LAMA1: variants seen among roughly 807,000 people sequenced by gnomAD.
The protein encoded by LAMA1 is laminin subunit alpha-1.
In LAMA1, 219 loss-of-function variants were observed where a neutral mutation model predicts 348.7. The observed-to-expected ratio is 0.63, with a 90% confidence interval of 0.56 to 0.70. The LOEUF (loss-of-function observed/expected upper bound fraction) is 0.70. LAMA1 is among the 30% of genes least tolerant of loss of function. The probability of loss-of-function intolerance (pLI) is 0.00; values close to 1 mark genes in which losing one functional copy is unlikely to be tolerated. For synonymous variants in LAMA1, 1,487 were observed against 1,491.0 expected (o/e 1.00, Z 0.06); for missense variants, 3,744 against 3,888.0 (o/e 0.96, Z 0.99).
intron 32 of LAMA1, among the ~76,000 whole-genome samples, chr18:6,999,174 T>C (rs1009464488): frequency 6.6e-6 from 1 of 152,106 alleles, no homozygotes; most frequent in Non-Finnish European, 1.5e-5. Context: ...GAAATATTAA[T>C]GCCACTAAAG....
chr18:7,032,970 G>A lies in LAMA1; in HGVS notation c.2163+14C>T. On this transcript the variant is annotated intron_variant, in intron 15 of 62. Coordinates refer to ENST00000389658, the MANE Select transcript of LAMA1 (RefSeq NM_005559.4). The stretch of plus-strand genomic sequence containing the variant: ...AGGAACGAAAGGAAAAAGACAGGAA[G>A]AGAGAAGCGTCACCTCACAGGAGGT... 6.3e-7 allele frequency: 1 copy of A among 1,577,106 alleles called. No homozygotes were observed. Among genetic ancestry groups the A allele is most frequent in the Non-Finnish European group, 8.7e-7 (1 of 1,153,988 alleles).
chr18:6,958,836 C>A (rs774973062), intron 54 of LAMA1, among the ~76,000 whole-genome samples, 174 bp from the exon 55 acceptor site: 1 of 152,122 alleles, frequency 6.6e-6, no homozygotes, highest in Non-Finnish European at 1.5e-5. Flanking sequence ...TTAAAACTCA[C>A]AACTGAAGAT....
chr18:6,972,169 A>G, intron 47 of LAMA1, 188 bp from the exon 48 acceptor site: 2 of 605,340 alleles, frequency 3.3e-6, no homozygotes, highest in Non-Finnish European at 5.9e-6. Flanking sequence ...GAATCCTAGA[A>G]TGAGTAACAA....
At chr18:6,944,554 T>C (rs144203368) in intron 61 of LAMA1, among the ~76,000 whole-genome samples, 35 of 152,294 alleles carry the variant, frequency 2.3e-4, no homozygotes, top group African/African-American at 8.4e-4. Context: ...GATGAGTGAC[T>C]AGGGTGGCCC....
At chr18:7,067,873 G>A (rs2058129574) in intron 3 of LAMA1, among the ~76,000 whole-genome samples, 1 of 147,898 alleles carries the variant, frequency 6.8e-6, no homozygotes, top group Non-Finnish European at 1.5e-5. Flanking sequence ...TTTTTTTTGA[G>A]ACGGCGTTTT....
At chr18:7,078,366 C>T (rs930348458) in intron 3 of LAMA1, among the ~76,000 whole-genome samples, 1 of 151,446 alleles carries the variant, frequency 6.6e-6, no homozygotes, top group Non-Finnish European at 1.5e-5. Flanking sequence ...CGGGGTTTCA[C>T]CGTGTTAGCC....
intron 58 of LAMA1, among the ~76,000 whole-genome samples, 174 bp downstream of exon 58, chr18:6,950,608 C>T (rs985395682): frequency 1.3e-5 from 2 of 152,162 alleles, no homozygotes; most frequent in African/African-American, 4.8e-5. Context: ...GGGGATATTT[C>T]GGAAGCAGAA....
Position 7,033,074 on chromosome 18 carries a change from G to A in LAMA1, c.2073C>T (p.Asp691=). ...ALYRLESVSL[D]IASSNAIDLV... Reference sequence around the variant, plus strand: ...GGTCGATGGCATTAGAGCTGGCTATGTCCAGAGAGACGGACTCCAACCTAC... The same window carrying A: ...GGTCGATGGCATTAGAGCTGGCTATATCCAGAGAGACGGACTCCAACCTAC... The change falls in exon 15 of 63, where the codon GAC becomes GAT. Residue 691 remains aspartate, a synonymous_variant. Transcript: ENST00000389658. 1 of 1,611,522 alleles carries A rather than the reference G, an allele frequency of 6.2e-7. No individual in the cohort carries two copies. The highest frequency in any genetic ancestry group is 8.5e-7 in the Non-Finnish European group (1 of 1,178,930).
intron 3 of LAMA1, among the ~76,000 whole-genome samples, chr18:7,068,298 G>A (rs2058131554): frequency 1.3e-5 from 2 of 152,198 alleles, no homozygotes; most frequent in Admixed American, 1.3e-4. Context: ...TGCCTTTAAA[G>A]ATGCAATGAA....
At chr18:6,974,619 G>T (rs945551168) in intron 46 of LAMA1, among the ~76,000 whole-genome samples, 9 of 151,836 alleles carry the variant, frequency 5.9e-5, no homozygotes, top group African/African-American at 2.2e-4. Flanking sequence ...ACCACGCCCA[G>T]CTAATTTTTG....
chr18:7,015,137 C>T lies in LAMA1; in HGVS notation c.3126+585G>A, dbSNP rs139303941. ...TGCTGGGATGACAGGCGTGAGCCAC[C>T]GCACCCAGCCATTTTTTGGATTTTC... On this transcript the variant is annotated intron_variant, in intron 22 of 62. Transcript: ENST00000389658. 8.6e-3 allele frequency among the ~76,000 whole-genome samples: 1,313 copies of T among 152,202 alleles called. 18 individuals are homozygous for T. The highest frequency in any genetic ancestry group is 0.03 in the African/African-American group (1,264 of 41,542).
chr18:6,999,847 G>T, intron 31 of LAMA1, 64 bp downstream of exon 31: 1 of 1,430,608 alleles, frequency 7.0e-7, no homozygotes, highest in Non-Finnish European at 9.9e-7. Context: ...TAGTAAATAT[G>T]CCCAATACCT....
intron 1 of LAMA1, among the ~76,000 whole-genome samples, chr18:7,117,415 C>G (rs2058362019): frequency 6.6e-6 from 1 of 151,042 alleles, no homozygotes; most frequent in Non-Finnish European, 1.5e-5. Flanking sequence ...TGGGCTTTAA[C>G]CCCAAAGCCC....
At chr18:6,980,279 T>C (rs917639262) in intron 42 of LAMA1, among the ~76,000 whole-genome samples, 1 of 152,234 alleles carries the variant, frequency 6.6e-6, no homozygotes, top group Non-Finnish European at 1.5e-5. Flanking sequence ...TCAGATACTA[T>C]GCAGTCTCTG....
In LAMA1 at chr18:7,085,410, C is replaced by T. The variant is rs139168384; in HGVS notation, c.62-4953G>A. ...ATTTTACTCTTTTTTTCTTCTTCTT[C>T]TTCTTTTTTTTTTTTTTTTTTTTTT... On this transcript the variant is annotated intron_variant, in intron 1 of 62. Transcript: ENST00000389658. Among the ~76,000 whole-genome samples the T allele has an allele frequency of 2.7e-3, 351 of 128,242 alleles. 3 individuals are homozygous for T. The highest frequency in any genetic ancestry group is 0.01 in the African/African-American group (330 of 32,644). The allele number at this position is 128,242 out of a possible 152,430, so 84.1% of individuals were successfully genotyped here.
intron 5 of LAMA1, among the ~76,000 whole-genome samples, chr18:7,048,006 A>G (rs557630005): frequency 6.6e-5 from 10 of 152,342 alleles, no homozygotes; most frequent in Non-Finnish European, 1.0e-4. Flanking sequence ...AGCATTAATC[A>G]TAAAAGAAAA....
chr18:6,969,064 C>G (rs1392729677), intron 48 of LAMA1, among the ~76,000 whole-genome samples: 1 of 152,030 alleles, frequency 6.6e-6, no homozygotes, highest in East Asian at 1.9e-4. Flanking sequence ...AATTTACAAA[C>G]AGACGTAAAG....
At chr18:7,095,745 T>C (rs1402337555) in intron 1 of LAMA1, among the ~76,000 whole-genome samples, 2 of 152,238 alleles carry the variant, frequency 1.3e-5, no homozygotes, top group Non-Finnish European at 2.9e-5. Flanking sequence ...GAGGTTTGAC[T>C]AAAGGTGAAA....
Position 7,039,072 on chromosome 18 carries a change from A to G in LAMA1, c.1423-122T>C, listed in dbSNP as rs901337986. 10 of 819,562 alleles carry G rather than the reference A, an allele frequency of 1.2e-5. No homozygotes were observed. The African/African-American group carries it at 1.7e-4, about 14-fold the overall frequency. The allele number at this position is 819,562 out of a possible 1,614,324, so 50.8% of individuals were successfully genotyped here. ...AGACAGGTGAATAAACGTCCAAAGTAAAGGTGAGGCCTCATAAAGTCAATA... is the reference window on the plus strand; with the variant it reads ...AGACAGGTGAATAAACGTCCAAAGTGAAGGTGAGGCCTCATAAAGTCAATA... On this transcript the variant is annotated intron_variant, in intron 10 of 62. Transcript: ENST00000389658.
Sources: gnomAD v4.1 joint callset for allele counts (sites outside exome capture counted in the v4.1 genomes callset) on GRCh38, gnomAD v4.1.1 for gene constraint, MANE v1.5 for transcripts, NCBI Gene and HGNC (gene_info 2026-07-23, HGNC 2026-07-21) for gene names.